The following RORA variants were observed in gnomAD, a reference collection of about 807,000 sequenced individuals.
RORA encodes the protein nuclear receptor ROR-alpha.
A neutral mutation model predicts 69.5 loss-of-function variants in RORA; 7 were observed. The observed-to-expected ratio is 0.10, with a 90% confidence interval of 0.06 to 0.19. The LOEUF (loss-of-function observed/expected upper bound fraction) is 0.19, where lower values mean the gene tolerates loss of function less well. RORA is among the 10% of genes least tolerant of loss of function. The probability of loss-of-function intolerance (pLI) is 1.00; values close to 1 mark genes in which losing one functional copy is unlikely to be tolerated. For synonymous variants in RORA, 261 were observed against 240.8 expected, an observed-to-expected ratio of 1.08 and a Z score of -0.78; for missense variants, 457 against 663.0, an observed-to-expected ratio of 0.69 and a Z score of 3.41.
At position 60,964,942 on chromosome 15, in the gene RORA, A is replaced by G. The variant is rs564425848; in HGVS notation, c.166+264111T>C. Among the ~76,000 whole-genome samples the G allele has an allele frequency of 9.2e-5, 14 of 152,288 alleles. No homozygotes were observed. The South Asian group carries it at 2.9e-3, about 32-fold the overall frequency. On this transcript the variant is annotated intron_variant, in intron 1 of 10. Coordinates refer to ENST00000335670, the MANE Select transcript of RORA (RefSeq NM_134261.3). ...CTCTTGTTTGAGACTCTTGGGAACC[A>G]TAAGTTGCACTGAATTACGCCATAC...
chr15:60,686,392 A>G (rs971374522), intron 1 of RORA, among the ~76,000 whole-genome samples: 1 of 152,240 alleles, frequency 6.6e-6, no homozygotes, highest in African/African-American at 2.4e-5. Flanking sequence ...ACTCGTCCCA[A>G]AGTATGATTA....
chr15:60,623,293 T>C lies in RORA; in HGVS notation c.196+55364A>G, dbSNP rs1033073959. Among the ~76,000 whole-genome samples, 7 of 152,130 alleles carry C rather than the reference T, an allele frequency of 4.6e-5. 1 individual carries two copies. Among genetic ancestry groups the C allele is most frequent in the African/African-American group, 1.7e-4 (7 of 41,432 alleles). The stretch of plus-strand genomic sequence containing the variant: ...TCTGGAGAGGGGTCAGTCTAAAATA[T>C]TTAAAATTCTTTAGTAATGCCCAGG... On this transcript the variant is annotated intron_variant, in intron 2 of 10. Coordinates refer to ENST00000335670, the MANE Select transcript of RORA (RefSeq NM_134261.3).
chr15:60,764,958 G>A (rs2071962012), intron 1 of RORA: 2 of 151,898 alleles, frequency 1.3e-5, no homozygotes, highest in Admixed American at 6.6e-5. Context: ...CTGTCCTCTC[G>A]GTGGTATGCC....
intron 1 of RORA, among the ~76,000 whole-genome samples, chr15:61,124,569 T>C (rs780374106): frequency 2.4e-4 from 36 of 152,258 alleles, no homozygotes; most frequent in Non-Finnish European, 1.9e-4. Flanking sequence ...TAGTTTCCGA[T>C]GTAGGTCATT....
At chr15:60,792,198 A>G (rs2072427279) in intron 1 of RORA, among the ~76,000 whole-genome samples, 1 of 152,224 alleles carries the variant, frequency 6.6e-6, no homozygotes, top group South Asian at 2.1e-4. Flanking sequence ...CAGACTGGAG[A>G]TGGCAGGAAA....
chr15:60,747,403 G>A (rs1334135407), intron 1 of RORA, among the ~76,000 whole-genome samples: 1 of 152,150 alleles, frequency 6.6e-6, no homozygotes, highest in African/African-American at 2.4e-5. Flanking sequence ...CAAGGGTAGG[G>A]TTCGAGTGAC....
intron 1 of RORA, among the ~76,000 whole-genome samples, chr15:60,767,793 T>C (rs991355457): frequency 2.0e-5 from 3 of 152,240 alleles, no homozygotes; most frequent in African/African-American, 7.2e-5. Flanking sequence ...AGTTCCTTTA[T>C]GAAGATTTTC....
intron 2 of RORA, among the ~76,000 whole-genome samples, chr15:60,540,454 C>G (rs777198913): frequency 6.6e-6 from 1 of 151,934 alleles, no homozygotes; most frequent in Non-Finnish European, 1.5e-5. Context: ...CCTAAGCCTA[C>G]GAGAAAACCA....
At chr15:61,142,540 C>T (rs2079309593) in intron 1 of RORA, among the ~76,000 whole-genome samples, 1 of 95,878 alleles carries the variant, frequency 1.0e-5, no homozygotes, top group Admixed American at 9.8e-5. Context: ...GATTTCAAAC[C>T]TGACAAAAAT....
At chr15:60,609,481 C>T (rs2069033154) in intron 2 of RORA, among the ~76,000 whole-genome samples, 2 of 152,076 alleles carry the variant, frequency 1.3e-5, no homozygotes, top group Non-Finnish European at 2.9e-5. Context: ...CTCATACCTG[C>T]TCAATGTTCT....
In RORA at chr15:60,819,743, CCAGACACACACACACACACACACA is replaced by C. The variant is rs1251091902; in HGVS notation, c.167-141081_167-141058del. On this transcript the variant is annotated intron_variant, in intron 1 of 10. Transcript: ENST00000335670. ...TATCACTCCTGGACTGAAGTCAAAC[CCAGACACACACACACACACACACA>C]CACACACACACACACACACACACAC... Among the ~76,000 whole-genome samples the C allele has an allele frequency of 1.5e-3, 109 of 74,810 alleles. 1 individual carries two copies. Among genetic ancestry groups the C allele is most frequent in the African/African-American group, 7.4e-3 (105 of 14,174 alleles). The allele number at this position is 74,810 out of a possible 152,430, so 49.1% of individuals were successfully genotyped here.
chr15:61,034,338 C>T (rs2140452367), intron 1 of RORA, among the ~76,000 whole-genome samples: 1 of 152,256 alleles, frequency 6.6e-6, no homozygotes, highest in Middle Eastern at 3.4e-3. Flanking sequence ...TTTGGTGGCA[C>T]AAAGTGATTT....
intron 1 of RORA, among the ~76,000 whole-genome samples, chr15:60,860,668 A>C (rs761434294): frequency 1.3e-5 from 2 of 152,194 alleles, no homozygotes; most frequent in Admixed American, 6.5e-5. Flanking sequence ...AATTCCCTTA[A>C]TTGTGACACA....
intron 1 of RORA, among the ~76,000 whole-genome samples, chr15:61,024,699 C>A (rs956885546): frequency 7.2e-5 from 11 of 152,232 alleles, no homozygotes; most frequent in South Asian, 4.1e-4. Flanking sequence ...GACCTGCCCA[C>A]CTCAGCCTCC....
At chr15:61,140,383 C>T (rs565288076) in intron 1 of RORA, among the ~76,000 whole-genome samples, 1 of 152,266 alleles carries the variant, frequency 6.6e-6, no homozygotes, top group East Asian at 1.9e-4. Flanking sequence ...ATTAATAACC[C>T]CCGCCAAAAT....
chr15:60,951,528 T>C (rs549433907), intron 1 of RORA, among the ~76,000 whole-genome samples: 2 of 150,382 alleles, frequency 1.3e-5, no homozygotes, highest in South Asian at 4.2e-4. Flanking sequence ...ATCAACAAAA[T>C]TGATAGACCG....
At chr15:60,826,602 T>C (rs1238812127) in intron 1 of RORA, among the ~76,000 whole-genome samples, 1 of 151,996 alleles carries the variant, frequency 6.6e-6, no homozygotes, top group Non-Finnish European at 1.5e-5. Flanking sequence ...CTCCTGCTAC[T>C]AAAACTCATT....
At chr15:61,019,057 G>C (rs1461074068) in intron 1 of RORA, among the ~76,000 whole-genome samples, 1 of 152,072 alleles carries the variant, frequency 6.6e-6, no homozygotes, top group Non-Finnish European at 1.5e-5. Context: ...ATCTTTTTTA[G>C]TTCTGCTAAG....
At chr15:60,788,403 C>T (rs939768140) in intron 1 of RORA, among the ~76,000 whole-genome samples, 2 of 152,186 alleles carry the variant, frequency 1.3e-5, no homozygotes, top group Non-Finnish European at 2.9e-5. Flanking sequence ...AGGCCAGGAA[C>T]GCACAGCTCA....
Sources: gnomAD v4.1 joint callset for allele counts (sites outside exome capture counted in the v4.1 genomes callset) on GRCh38, gnomAD v4.1.1 for gene constraint, MANE v1.5 for transcripts, NCBI Gene and HGNC (gene_info 2026-07-23, HGNC 2026-07-21) for gene names.